The following SFI1 variants were observed in gnomAD, a reference collection of about 807,000 sequenced individuals.
SFI1 encodes protein SFI1 homolog.
A neutral mutation model predicts 207.5 loss-of-function variants in SFI1; 195 were observed. The ratio of observed to expected loss-of-function variants is 0.94; its 90% CI spans 0.84 to 1.06. The LOEUF is 1.06. Among genes scored for constraint, SFI1 ranks in the 50% least tolerant of loss-of-function variants. The pLI, the probability that SFI1 is intolerant of heterozygous loss-of-function variation, is 0.00. For synonymous variants in SFI1, 630 were observed against 598.9 expected, an observed-to-expected ratio of 1.05 and a Z score of -0.76; for missense variants, 1,634 against 1,588.0, an observed-to-expected ratio of 1.03 and a Z score of -0.49.
chr22:31,544,439 A>G (rs958679001), intron 4 of SFI1, among the ~76,000 whole-genome samples: 1 of 152,134 alleles, frequency 6.6e-6, no homozygotes, highest in African/African-American at 2.4e-5. Flanking sequence ...AATATTTTTC[A>G]TTCTGGTGAA....
intron 12 of SFI1, among the ~76,000 whole-genome samples, chr22:31,581,371 C>T (rs1280504516): frequency 2.0e-5 from 3 of 151,838 alleles, no homozygotes; most frequent in Non-Finnish European, 2.9e-5. Context: ...TCACTGCAAC[C>T]TCCACCTCCC....
chr22:31,573,064 T>C lies in SFI1; in HGVS notation c.772T>C (p.Ser258Pro). ...CCTCTTCTCTGGTTTTCAGGCTTGG[T>C]CACAGTGGCGGGAACAGCTCCTGTA... ...RALSLQVQAWSQWREQLLYVQ... is the reference protein window; with the variant it reads ...RALSLQVQAWPQWREQLLYVQ... The change falls in exon 9 of 33, where the codon TCA becomes CCA. Residue 258 changes from serine (S) to proline (P), a missense_variant. Physicochemically the swap from Ser to Pro is moderately conservative, Grantham distance 74 (BLOSUM62 -1). Transcript: ENST00000400288. The C allele has an allele frequency of 1.2e-6, 2 of 1,613,358 alleles. No homozygotes were observed. The highest frequency in any genetic ancestry group is 4.5e-5 in the East Asian group (2 of 44,852).
chr22:31,559,438 A>G (rs1474589936), intron 7 of SFI1: 2 of 392,134 alleles, frequency 5.1e-6, no homozygotes, highest in Non-Finnish European at 9.7e-6. Context: ...AATAAAAAAA[A>G]TGGCTTCCGC....
chr22:31,528,774 G>A lies in SFI1; in HGVS notation c.177G>A (p.Arg59=). 6.2e-7 allele frequency: 1 copy of A among 1,614,146 alleles called. No individual in the cohort carries two copies. The highest frequency in any genetic ancestry group is 8.5e-7 in the Non-Finnish European group (1 of 1,180,012). The change falls in exon 3 of 33, where the codon CGG becomes CGA. Residue 59 remains arginine, a synonymous_variant. Coordinates refer to ENST00000400288, the MANE Select transcript of SFI1 (RefSeq NM_001007467.3). ...NKKSSASFGI[R]RELPSTSHLV... ...AGTCTTCTGCATCCTTTGGGATCCGGAGGGAGTTACCTAGTACCAGTCATC... is the reference window on the plus strand; with the variant it reads ...AGTCTTCTGCATCCTTTGGGATCCGAAGGGAGTTACCTAGTACCAGTCATC...
intron 7 of SFI1, chr22:31,559,367 G>C: frequency 4.0e-6 from 1 of 250,706 alleles, no homozygotes; most frequent in Non-Finnish European, 7.8e-6. Flanking sequence ...ACGTTGCAGT[G>C]AGTCGAGATT....
chr22:31,604,996 C>T (rs1469657433), intron 20 of SFI1, 51 bp downstream of exon 20: 1 of 1,495,652 alleles, frequency 6.7e-7, no homozygotes, highest in Non-Finnish European at 9.0e-7. Context: ...AAGGAATGCA[C>T]TCCAAACCCC....
chr22:31,543,381 A>G (rs970270670), intron 4 of SFI1, among the ~76,000 whole-genome samples: 1 of 152,228 alleles, frequency 6.6e-6, no homozygotes, highest in African/African-American at 2.4e-5. Flanking sequence ...GAAAATGAGC[A>G]CATGGCATTG....
At chr22:31,526,794 C>G (rs953802003) in intron 2 of SFI1, among the ~76,000 whole-genome samples, 1 of 152,144 alleles carries the variant, frequency 6.6e-6, no homozygotes, top group Non-Finnish European at 1.5e-5. Context: ...AATTCCTAAC[C>G]TCAGGTGATC....
intron 8 of SFI1, among the ~76,000 whole-genome samples, chr22:31,570,625 G>A (rs999467222): frequency 2.6e-5 from 4 of 152,310 alleles, no homozygotes; most frequent in Middle Eastern, 3.4e-3. Context: ...AGTGAGCGGG[G>A]TGCGGTGGCT....
rs58333559 is a variant in SFI1, at chr22:31,553,838, G to GTTT, written c.545-3076_545-3074dup. 4.9e-3 allele frequency among the ~76,000 whole-genome samples: 128 copies of GTTT among 26,304 alleles called. 54 individuals are homozygous for GTTT. Among genetic ancestry groups the GTTT allele is most frequent in the South Asian group, 7.8e-3 (4 of 516 alleles). The allele number at this position is 26,304 out of a possible 152,430, so 17.3% of individuals were successfully genotyped here. A position where few individuals can be genotyped will look rare whatever the true frequency, so the allele number is the denominator to read the frequency against. On this transcript the variant is annotated intron_variant, in intron 6 of 32. Coordinates refer to ENST00000400288, the MANE Select transcript of SFI1 (RefSeq NM_001007467.3). ...ATTCTATTTTTTTTTAATGGATTAT[G>GTTT]TTTTTTTTTTTTTTTTTTTTTTTTT...
intron 4 of SFI1, among the ~76,000 whole-genome samples, chr22:31,537,705 A>G (rs1050427805): frequency 6.6e-6 from 1 of 152,196 alleles, no homozygotes; most frequent in African/African-American, 2.4e-5. Flanking sequence ...GAATTCTGAT[A>G]CTGTGTTTCC....
intron 6 of SFI1, among the ~76,000 whole-genome samples, chr22:31,553,380 C>T (rs1333154120): frequency 1.3e-5 from 2 of 151,502 alleles, no homozygotes; most frequent in African/African-American, 2.4e-5. Flanking sequence ...TTTTTTGACA[C>T]GGAATCTCAC....
chr22:31,580,497 CAACTGTAA>C, intron 12 of SFI1, 133 bp downstream of exon 12: 1 of 533,940 alleles, frequency 1.9e-6, no homozygotes, highest in Non-Finnish European at 3.4e-6. Context: ...TCCAGACTGT[CAACTGTAA>C]AACCTTAGTT....
At chr22:31,553,867 T>TTTTTTTTTTTC (rs1293077499) in intron 6 of SFI1, among the ~76,000 whole-genome samples, 2 of 116,144 alleles carry the variant, frequency 1.7e-5, no homozygotes, top group Non-Finnish European at 1.7e-5. Flanking sequence ...TTTTTTTTTT[T>TTTTTTTTTTTC]TGCGAGAGTC....
At chr22:31,499,709 C>T (rs2053386887) in intron 1 of SFI1, among the ~76,000 whole-genome samples, 1 of 152,134 alleles carries the variant, frequency 6.6e-6, no homozygotes, top group South Asian at 2.1e-4. Context: ...TGACACACAT[C>T]ACTATTGTCT....
At position 31,606,693 on chromosome 22, in the gene SFI1, C is replaced by CTT. The variant is rs10524692; in HGVS notation, c.2157+285_2157+286dup. On this transcript the variant is annotated intron_variant, in intron 21 of 32. Coordinates refer to ENST00000400288, the MANE Select transcript of SFI1 (RefSeq NM_001007467.3). ...ATCAGAACCAGTATTTTCTTTTTTT[C>CTT]TTTTTTTTTTTTTTTTTTTTTTTGA... is the stretch of plus-strand genomic sequence containing the variant. 8.0e-3 allele frequency: 925 copies of CTT among 115,404 alleles called. 2 individuals carry two copies. Among genetic ancestry groups the CTT allele is most frequent in the East Asian group, 0.014 (58 of 4,024 alleles). The allele number at this position is 115,404 out of a possible 1,614,324, so 7.1% of individuals were successfully genotyped here. A position where few individuals can be genotyped will look rare whatever the true frequency, so the allele number is the denominator to read the frequency against.
intron 15 of SFI1, among the ~76,000 whole-genome samples, chr22:31,598,795 T>C (rs561089631): frequency 0.035 from 4,159 of 118,494 alleles, 88 homozygotes; most frequent in Non-Finnish European, 0.046. Context: ...TTATCTTTTT[T>C]TTTTTTTTTT....
intron 6 of SFI1, among the ~76,000 whole-genome samples, chr22:31,556,226 CTT>C (rs564804510): frequency 5.0e-5 from 7 of 139,704 alleles, no homozygotes; most frequent in Non-Finnish European, 4.7e-5. Flanking sequence ...TTTTTCTTTT[CTT>C]TTTTTTTTTT....
chr22:31,501,347 A>G (rs943075033), intron 1 of SFI1, among the ~76,000 whole-genome samples: 12 of 150,858 alleles, frequency 8.0e-5, no homozygotes, highest in Non-Finnish European at 1.2e-4. Flanking sequence ...AATTTTTTGT[A>G]TTTTTAGTAG....
Sources: gnomAD v4.1 joint callset for allele counts (sites outside exome capture counted in the v4.1 genomes callset) on GRCh38, gnomAD v4.1.1 for gene constraint, MANE v1.5 for transcripts, NCBI Gene and HGNC (gene_info 2026-07-23, HGNC 2026-07-21) for gene names.